DUXA: variants seen among roughly 807,000 people sequenced by gnomAD.
DUXA encodes double homeobox A, also known as double homeobox protein A.
DUXA carries 25 observed loss-of-function variants against 27.5 expected under a neutral mutation model. The ratio of observed to expected loss-of-function variants is 0.91; its 90% CI spans 0.66 to 1.27. The LOEUF is 1.27. Among genes scored for constraint, DUXA ranks in the 50% most tolerant of loss-of-function variants. DUXA has a pLI of 0.00. For synonymous variants in DUXA, 90 were observed against 80.5 expected, an observed-to-expected ratio of 1.12 and a Z score of -0.63; for missense variants, 247 against 242.9, an observed-to-expected ratio of 1.02 and a Z score of -0.11.
chr19:57,159,311 T>C (rs1460080241), intron 2 of DUXA, 33 bp from the exon 3 acceptor site: 1 of 1,592,072 alleles, frequency 6.3e-7, no homozygotes, highest in Admixed American at 1.7e-5. Context: ...GAGAATTACG[T>C]GTTAATGTCA....
chr19:57,159,354 A>G (rs2087008746), intron 2 of DUXA, 76 bp from the exon 3 acceptor site: 2 of 1,320,718 alleles, frequency 1.5e-6, no homozygotes, highest in Non-Finnish European at 2.1e-6. Context: ...TCCCAAAGTG[A>G]GCAATTCTTA....
At chr19:57,155,697 C>T (rs2086990264) in intron 4 of DUXA, among the ~76,000 whole-genome samples, 1 of 41,896 alleles carries the variant, frequency 2.4e-5, no homozygotes. Flanking sequence ...AATACGGAGT[C>T]TCACTCGGTC....
At chr19:57,155,965 G>A (rs972292321) in intron 4 of DUXA, among the ~76,000 whole-genome samples, 8 of 152,126 alleles carry the variant, frequency 5.3e-5, no homozygotes, top group East Asian at 1.9e-4. Flanking sequence ...CACCGTGCCC[G>A]GCCCAACATT....
At position 57,159,900 on chromosome 19, in the gene DUXA, A is replaced by G. The variant is rs531862772; in HGVS notation, c.181-622T>C. ...GGCAGATCACGAGGTCAGGAGTTCA[A>G]GACCAGCCTGGCCAACATAGTGAAC... On this transcript the variant is annotated intron_variant, in intron 2 of 5. Coordinates refer to ENST00000554048, the MANE Select transcript of DUXA (RefSeq NM_001012729.2). Among the ~76,000 whole-genome samples, 79 of 152,254 alleles carry G rather than the reference A, an allele frequency of 5.2e-4. 1 individual carries two copies. The highest frequency in any genetic ancestry group is 1.8e-3 in the African/African-American group (76 of 41,574).
In DUXA at chr19:57,155,368, C is replaced by G. The variant is rs1568462857; in HGVS notation, c.443G>C (p.Trp148Ser). The G allele has an allele frequency of 6.2e-7, 1 of 1,611,026 alleles. No homozygotes were observed. Among genetic ancestry groups the G allele is most frequent in the Admixed American group, 1.7e-5 (1 of 59,998 alleles). Reference protein sequence around the residue: ...IGVPESRVQIWFQNRRSRLLL... With the variant: ...IGVPESRVQISFQNRRSRLLL... ...TAATCTAGATCTTCGATTTTGGAAC[C>G]AAATCTAAGTGGTAAGACAAAGAAA... Residue 148 changes from tryptophan to serine, a missense_variant, in exon 5 of 6, where the codon TGG becomes TCG. Physicochemically the swap from Trp to Ser is radical, Grantham distance 177. Transcript: ENST00000554048.
At chr19:57,164,887 C>A (rs919531736) in intron 1 of DUXA, among the ~76,000 whole-genome samples, 1 of 152,038 alleles carries the variant, frequency 6.6e-6, no homozygotes, top group African/African-American at 2.4e-5. Context: ...CTAAGTGAAA[C>A]CACTTTTTGT....
Position 57,155,279 on chromosome 19 carries a change from C to G in DUXA, c.532G>C (p.Glu178Gln), listed in dbSNP as rs144291179. 1.9e-4 allele frequency: 310 copies of G among 1,614,118 alleles called. No homozygotes were observed. In the African/African-American group the frequency reaches 3.7e-3, roughly 19 times the overall value. ...LEQEEQGKIP[E>Q]GLQGAEDTQN... ...ACAGGCTAGTTACCTTGCAGTCCCTCAGGAATCTTGCCCTGCTCTTCTTGT... is the reference window on the plus strand; with the variant it reads ...ACAGGCTAGTTACCTTGCAGTCCCTGAGGAATCTTGCCCTGCTCTTCTTGT... Residue 178 changes from glutamate (E) to glutamine (Q), a missense_variant, in exon 5 of 6, where the codon GAG (glutamate) becomes CAG (glutamine). Coordinates refer to ENST00000554048, the MANE Select transcript of DUXA (RefSeq NM_001012729.2).
In DUXA at chr19:57,154,360, G is replaced by T; in HGVS notation, c.*52C>A. On this transcript the variant is annotated 3_prime_UTR_variant, in exon 6 of 6. Transcript: ENST00000554048. ...GGATAGACTCCCAGGAAGACCGTGA[G>T]ACAGATTTGGGGTCCAGTTGATATT... is the stretch of plus-strand genomic sequence containing the variant. The T allele has an allele frequency of 6.5e-7, 1 of 1,527,094 alleles. No individual in the cohort carries two copies. Among genetic ancestry groups the T allele is most frequent in the South Asian group, 1.1e-5 (1 of 89,162 alleles). The allele number at this position is 1,527,094 out of a possible 1,614,324, so 94.6% of individuals were successfully genotyped here. A position where few individuals can be genotyped will look rare whatever the true frequency, so the allele number is the denominator to read the frequency against.
chr19:57,165,320 A>ATATATATAT (rs1380503736), intron 1 of DUXA, among the ~76,000 whole-genome samples: 4 of 96,640 alleles, frequency 4.1e-5, no homozygotes, highest in African/African-American at 1.4e-4. Context: ...AAAAAAAAAA[A>ATATATATAT]AAAAATATAT....
At chr19:57,158,882 G>T (rs1416108188) in intron 3 of DUXA, among the ~76,000 whole-genome samples, 1 of 152,128 alleles carries the variant, frequency 6.6e-6, no homozygotes, top group African/African-American at 2.4e-5. Flanking sequence ...TACTTGGGAG[G>T]CTGAGGCGGA....
intron 4 of DUXA, among the ~76,000 whole-genome samples, chr19:57,157,477 A>G (rs8108411): frequency 0.72 from 109,503 of 151,754 alleles, 39,851 homozygotes; most frequent in South Asian, 0.85. Context: ...GACAACAGGC[A>G]TGAGCCACCG....
At chr19:57,156,588 A>G (rs1232260764) in intron 4 of DUXA, among the ~76,000 whole-genome samples, 1 of 151,918 alleles carries the variant, frequency 6.6e-6, no homozygotes, top group African/African-American at 2.4e-5. Flanking sequence ...TTTTTCATAG[A>G]GTTGTGGTCT....
chr19:57,163,965 C>T (rs1342080947), intron 1 of DUXA, among the ~76,000 whole-genome samples: 1 of 152,084 alleles, frequency 6.6e-6, no homozygotes, highest in Non-Finnish European at 1.5e-5. Context: ...CCTATAATCC[C>T]ATCACCTTGA....
intron 1 of DUXA, among the ~76,000 whole-genome samples, chr19:57,161,324 C>A (rs377712098): frequency 3.5e-3 from 164 of 47,346 alleles, no homozygotes; most frequent in Admixed American, 5.0e-3. Context: ...GACTCTATCT[C>A]AAAAAAAAAA....
At chr19:57,158,881 G>T (rs1379225688) in intron 3 of DUXA, among the ~76,000 whole-genome samples, 1 of 152,152 alleles carries the variant, frequency 6.6e-6, no homozygotes, top group Non-Finnish European at 1.5e-5. Context: ...CTACTTGGGA[G>T]GCTGAGGCGG....
intron 1 of DUXA, among the ~76,000 whole-genome samples, chr19:57,165,324 A>ATATATATATATATATATATATATATAT (rs1555759590): frequency 1.6e-4 from 14 of 89,236 alleles, no homozygotes; most frequent in Admixed American, 3.9e-4. Context: ...AAAAAAAAAA[A>ATATATATATATATATATATATATATAT]ATATATATAT....
chr19:57,165,803 CAAAA>C (rs3082068), intron 1 of DUXA, among the ~76,000 whole-genome samples: 6 of 95,858 alleles, frequency 6.3e-5, no homozygotes, highest in Non-Finnish European at 5.8e-5. Flanking sequence ...AGACTCCTCT[CAAAA>C]AAAAAAAAAA....
At chr19:57,162,350 AC>A in intron 1 of DUXA, among the ~76,000 whole-genome samples, 1 of 152,366 alleles carries the variant, frequency 6.6e-6, no homozygotes, top group East Asian at 1.9e-4. Flanking sequence ...AAAAAATACC[AC>A]ATCACATAAT....
At position 57,161,432 on chromosome 19, in the gene DUXA, G is replaced by A. The variant is rs558445439; in HGVS notation, c.26-635C>T. On this transcript the variant is annotated intron_variant, in intron 1 of 5. Coordinates refer to ENST00000554048, the MANE Select transcript of DUXA (RefSeq NM_001012729.2). ...AGGTCAGGAGATCGAGACCATCCTG[G>A]CTAACATGATGAAACCCCGTCTCTA... Among the ~76,000 whole-genome samples, 8 of 149,442 alleles carry A rather than the reference G, an allele frequency of 5.4e-5. No individual in the cohort carries two copies. In the South Asian group the frequency reaches 8.4e-4, roughly 16 times the overall value.
Sources: allele counts gnomAD v4.1 joint callset (sites outside exome capture counted in the v4.1 genomes callset), GRCh38; gene constraint gnomAD v4.1.1; transcripts MANE v1.5; gene names NCBI Gene and HGNC (gene_info 2026-07-23, HGNC 2026-07-21).